CDC45: variants seen among roughly 807,000 people sequenced by gnomAD.
The protein encoded by CDC45 is cell division cycle 45.
Under a neutral mutation model 77.8 loss-of-function variants are expected in CDC45, and 54 were observed. The ratio of observed to expected loss-of-function variants is 0.69; its 90% CI spans 0.56 to 0.87. The LOEUF is 0.87. Ranked by LOEUF, CDC45 falls within the 40% of genes least tolerant of loss-of-function variation. CDC45 has a pLI of 0.00. For missense variants in CDC45, 649 were observed against 721.6 expected (o/e 0.90, Z 1.15); for synonymous variants, 260 against 272.1 (o/e 0.96, Z 0.44).
intron 13 of CDC45, among the ~76,000 whole-genome samples, chr22:19,510,116 C>A (rs1342167205): frequency 1.3e-5 from 2 of 152,124 alleles, no homozygotes; most frequent in Admixed American, 6.5e-5. Context: ...TGCATGCCAC[C>A]ACGCCTTGCT....
At chr22:19,480,293 G>C in intron 2 of CDC45, 76 bp downstream of exon 2, 1 of 1,365,114 alleles carries the variant, frequency 7.3e-7, no homozygotes, top group Non-Finnish European at 1.0e-6. Context: ...AGGGCGGGCA[G>C]AGTGTCAGGA....
At chr22:19,480,063 GAAGGGAT>G (rs1316557223) in intron 1 of CDC45, 44 bp downstream of exon 1, 1 of 1,612,746 alleles carries the variant, frequency 6.2e-7, no homozygotes, top group Admixed American at 1.7e-5. Context: ...TGCCGGTGGG[GAAGGGAT>G]GAGGGGGAGC....
intron 15 of CDC45, chr22:19,516,306 T>C (rs1450856115): frequency 3.5e-6 from 2 of 569,902 alleles, no homozygotes; most frequent in African/African-American, 3.8e-5. Context: ...ATGCTGTGGG[T>C]ACGGGAGGGC....
At chr22:19,484,593 G>C (rs985427461) in intron 5 of CDC45, among the ~76,000 whole-genome samples, 1 of 152,208 alleles carries the variant, frequency 6.6e-6, no homozygotes, top group Non-Finnish European at 1.5e-5. Context: ...GGAGGGCCAC[G>C]TGATGCTTTT....
At chr22:19,515,120 A>G (rs1158560861) in intron 15 of CDC45, 72 bp downstream of exon 15, 3 of 1,406,606 alleles carry the variant, frequency 2.1e-6, no homozygotes, top group East Asian at 4.7e-5. Context: ...GGGGAGTTAG[A>G]TGCTGGCCTT....
At chr22:19,516,679 G>A in intron 16 of CDC45, 34 bp downstream of exon 16, 1 of 1,583,786 alleles carries the variant, frequency 6.3e-7, no homozygotes, top group Middle Eastern at 1.7e-4. Flanking sequence ...GGACTGGAGG[G>A]TCGGGGGTGT....
chr22:19,497,587 G>A, intron 8 of CDC45, 140 bp downstream of exon 8: 1 of 700,272 alleles, frequency 1.4e-6, no homozygotes, highest in Non-Finnish European at 2.5e-6. Context: ...CTGGGTATGT[G>A]TGTGATTTTG....
chr22:19,499,071 G>T, intron 8 of CDC45, 30 bp from the exon 9 acceptor site: 1 of 1,613,352 alleles, frequency 6.2e-7, no homozygotes, highest in Non-Finnish European at 8.5e-7. Context: ...GTGGGCTATA[G>T]GCCGGCTCCA....
At chr22:19,508,990 C>T (rs1933368585) in intron 13 of CDC45, among the ~76,000 whole-genome samples, 1 of 151,692 alleles carries the variant, frequency 6.6e-6, no homozygotes, top group African/African-American at 2.4e-5. Flanking sequence ...TATGTATATT[C>T]GTTCTTGTGT....
intron 17 of CDC45, 61 bp downstream of exon 17, chr22:19,516,954 C>A: frequency 7.2e-7 from 1 of 1,389,030 alleles, no homozygotes; most frequent in Non-Finnish European, 1.0e-6. Context: ...CTATTGCAGG[C>A]CCTGGAACCA....
Position 19,498,292 on chromosome 22 carries a change from G to A in CDC45, c.654-809G>A, listed in dbSNP as rs185167464. On this transcript the variant is annotated intron_variant, in intron 8 of 18. Transcript: ENST00000263201. ...TGCAATGAGCTACAATTGTGCCATC[G>A]TACTCCAGCCTGGGTGACTGAGTGA... 7.2e-5 allele frequency among the ~76,000 whole-genome samples: 11 copies of A among 152,306 alleles called. No homozygotes were observed. The East Asian group carries it at 1.5e-3, about 21-fold the overall frequency.
intron 9 of CDC45, 53 bp from the exon 10 acceptor site, chr22:19,505,309 C>T (rs767799944): frequency 1.2e-5 from 20 of 1,612,208 alleles, no homozygotes; most frequent in Non-Finnish European, 1.7e-5. Flanking sequence ...GCTTAGGCTG[C>T]CTGGTAAGAG....
Position 19,507,469 on chromosome 22 carries a change from G to T in CDC45, c.908G>T (p.Trp303Leu), listed in dbSNP as rs1182845874. 1 of 1,614,174 alleles carries T rather than the reference G, an allele frequency of 6.2e-7. No homozygotes were observed. Among genetic ancestry groups the T allele is most frequent in the Non-Finnish European group, 8.5e-7 (1 of 1,180,036 alleles). The stretch of plus-strand genomic sequence containing the variant: ...TATACCGCAGCCAGGTTCAAGCTGT[G>T]GTCTGTGCATGGACAGAAGCGGCTC... ...TSYTAARFKL[W>L]SVHGQKRLQE... is the part of the protein sequence containing the mutation. Residue 303 changes from tryptophan (W) to leucine (L), a missense_variant, in exon 11 of 19, where the codon TGG becomes TTG. Transcript: ENST00000263201.
rs1478383000 is a variant in CDC45, at chr22:19,518,757, G to A, written c.1637-87G>A. 3 of 1,034,656 alleles carry A rather than the reference G, an allele frequency of 2.9e-6. No homozygotes were observed. The Admixed American group carries it at 5.1e-5, about 18-fold the overall frequency. 64.1% of individuals were successfully genotyped at this position (1,034,656 alleles called of 1,614,324 possible). A position where few individuals can be genotyped will look rare whatever the true frequency, so the allele number is the denominator to read the frequency against. On this transcript the variant is annotated intron_variant, in intron 17 of 18. Transcript: ENST00000263201. ...GAGCCGCGCACTTTGGAATGCAGTG[G>A]AGGGCAGGCAGCGGAGGGGAGTTCT...
At chr22:19,519,458 G>C (rs9606046) in intron 18 of CDC45, among the ~76,000 whole-genome samples, 52,548 of 152,188 alleles carry the variant, frequency 0.35, 11,162 homozygotes, top group Non-Finnish European at 0.46. Context: ...CACTGTCCCG[G>C]GACACCTCCC....
chr22:19,497,302 C>G (rs1220292452), intron 7 of CDC45, 84 bp from the exon 8 acceptor site: 4 of 1,304,672 alleles, frequency 3.1e-6, no homozygotes, highest in African/African-American at 1.4e-5. Flanking sequence ...CAGGGCCCTT[C>G]TGGCTCAAGT....
chr22:19,488,487 G>A (rs562149882), intron 5 of CDC45, among the ~76,000 whole-genome samples: 27 of 152,192 alleles, frequency 1.8e-4, no homozygotes, highest in Middle Eastern at 3.2e-3. Context: ...TGACTGCTCA[G>A]GCTTCCAGCA....
chr22:19,505,139 A>C, intron 9 of CDC45: 1 of 557,768 alleles, frequency 1.8e-6, no homozygotes, highest in East Asian at 3.1e-5. Flanking sequence ...TGAGGACCGG[A>C]GGTGGACAAG....
chr22:19,514,166 A>T (rs950802479), intron 13 of CDC45, among the ~76,000 whole-genome samples: 6 of 152,138 alleles, frequency 3.9e-5, no homozygotes, highest in African/African-American at 1.4e-4. Context: ...AAATGGTCTG[A>T]TGTCTTTCAT....
Sources: gnomAD v4.1 joint callset for allele counts (sites outside exome capture counted in the v4.1 genomes callset) on GRCh38, gnomAD v4.1.1 for gene constraint, MANE v1.5 for transcripts, NCBI Gene and HGNC (gene_info 2026-07-23, HGNC 2026-07-21) for gene names.